Variants in ESRRG observed in about 807,000 individuals in gnomAD.
ESRRG encodes estrogen-related receptor gamma.
Under a neutral mutation model 44.0 loss-of-function variants are expected in ESRRG, and 13 were observed. The ratio of observed to expected loss-of-function variants is 0.30; its 90% CI spans 0.19 to 0.47. The LOEUF (loss-of-function observed/expected upper bound fraction) is 0.47. ESRRG is among the 20% of genes least tolerant of loss of function. ESRRG has a pLI of 1.00. For synonymous variants in ESRRG, 215 were observed against 214.6 expected (o/e 1.00, Z -0.02); for missense variants, 395 against 580.6 (o/e 0.68, Z 3.29).
intron 2 of ESRRG, among the ~76,000 whole-genome samples, chr1:216,887,385 A>G (rs2057167888): frequency 6.6e-6 from 1 of 152,210 alleles, no homozygotes; most frequent in South Asian, 2.1e-4. Context: ...TATCAGAACT[A>G]TTAGAACACA....
intron 1 of ESRRG, among the ~76,000 whole-genome samples, chr1:217,097,612 T>C (rs1035275635): frequency 2.0e-5 from 3 of 152,192 alleles, no homozygotes; most frequent in Non-Finnish European, 4.4e-5. Context: ...GTATTTCACT[T>C]TCAAAATGGA....
At chr1:217,032,038 TG>T (rs1486469258) in intron 1 of ESRRG, among the ~76,000 whole-genome samples, 39 of 152,302 alleles carry the variant, frequency 2.6e-4, no homozygotes, top group African/African-American at 9.1e-4. Flanking sequence ...ATTTTCCCCT[TG>T]CTAAGGTGCT....
At chr1:216,890,256 C>A (rs1039900694) in intron 2 of ESRRG, among the ~76,000 whole-genome samples, 2 of 151,948 alleles carry the variant, frequency 1.3e-5, no homozygotes, top group Non-Finnish European at 2.9e-5. Flanking sequence ...CAGAGTGAGA[C>A]CCTGTCTCAA....
At chr1:217,127,166 G>T (rs953558975) in intron 1 of ESRRG, among the ~76,000 whole-genome samples, 5 of 152,108 alleles carry the variant, frequency 3.3e-5, no homozygotes, top group Admixed American at 6.6e-5. Context: ...CTGCTTGTTC[G>T]AAGTCTCATT....
chr1:216,552,341 GC>G (rs2056576398), intron 5 of ESRRG, among the ~76,000 whole-genome samples: 1 of 152,110 alleles, frequency 6.6e-6, no homozygotes, highest in Non-Finnish European at 1.5e-5. Context: ...TATCAATAAT[GC>G]ACAACTGAGC....
rs528283379 is a variant in ESRRG, at chr1:216,960,578, A to T, written c.-105-20905T>A. On this transcript the variant is annotated intron_variant, in intron 1 of 7. Transcript: ENST00000359162. ...AATACTACGCTTTTATGACTCCTCC[A>T]TGTGTTTGTTTGTTTGTTTGTTTGT... is the stretch of plus-strand genomic sequence containing the variant. Among the ~76,000 whole-genome samples, 8 of 97,008 alleles carry T rather than the reference A, an allele frequency of 8.2e-5. No individual in the cohort carries two copies. In the East Asian group the frequency reaches 1.9e-3, roughly 23 times the overall value. The allele number at this position is 97,008 out of a possible 152,430, so 63.6% of individuals were successfully genotyped here.
intron 5 of ESRRG, among the ~76,000 whole-genome samples, chr1:216,560,655 T>C (rs1226048221): frequency 6.6e-6 from 1 of 152,164 alleles, no homozygotes; most frequent in Non-Finnish European, 1.5e-5. Flanking sequence ...CTGTGAAACC[T>C]AGCTCTAATA....
intron 1 of ESRRG, among the ~76,000 whole-genome samples, chr1:216,697,516 G>GT (rs975748032): frequency 6.4e-4 from 98 of 152,312 alleles, no homozygotes; most frequent in African/African-American, 2.3e-3. Context: ...TATGCTAGGT[G>GT]TTTATAGCAG....
chr1:216,991,683 GGA>G (rs2075741564), intron 1 of ESRRG, among the ~76,000 whole-genome samples: 1 of 139,490 alleles, frequency 7.2e-6, no homozygotes, highest in Non-Finnish European at 1.5e-5. Context: ...GGATGGGATG[GGA>G]TGGGATAGAA....
At chr1:217,110,119 G>A (rs879837673) in intron 1 of ESRRG, among the ~76,000 whole-genome samples, 1 of 152,110 alleles carries the variant, frequency 6.6e-6, no homozygotes, top group African/African-American at 2.4e-5. Flanking sequence ...CAGGCTGCCA[G>A]CCCCACCCAG....
At chr1:216,741,465 T>TACACAC (rs932154245) in intron 2 of ESRRG, among the ~76,000 whole-genome samples, 1 of 113,660 alleles carries the variant, frequency 8.8e-6, no homozygotes, top group African/African-American at 3.4e-5. Flanking sequence ...CCCCTACACA[T>TACACAC]ACACACACAC....
At chr1:217,126,880 C>T (rs986083783) in intron 1 of ESRRG, among the ~76,000 whole-genome samples, 3 of 152,176 alleles carry the variant, frequency 2.0e-5, no homozygotes, top group Admixed American at 2.0e-4. Context: ...TGCATGAATA[C>T]TTTGAAAGCA....
At chr1:217,050,345 G>T (rs1024803414) in intron 1 of ESRRG, among the ~76,000 whole-genome samples, 4 of 152,160 alleles carry the variant, frequency 2.6e-5, no homozygotes, top group East Asian at 1.9e-4. Context: ...CCCTTCTCCA[G>T]AAAAACTACA....
chr1:216,564,421 A>G (rs990305740), intron 4 of ESRRG, 41 bp from the exon 5 acceptor site: 14 of 1,497,408 alleles, frequency 9.3e-6, no homozygotes, highest in Non-Finnish European at 1.3e-5. Flanking sequence ...CACTAGTAGT[A>G]TCATCCCTCT....
intron 2 of ESRRG, among the ~76,000 whole-genome samples, chr1:216,735,990 ATAT>A (rs2089824539): frequency 1.1e-5 from 1 of 93,262 alleles, no homozygotes; most frequent in African/African-American, 3.3e-5. Flanking sequence ...AAAAAAAAAT[ATAT>A]ATATATATAT....
At position 216,506,364 on chromosome 1, in the gene ESRRG, G is replaced by T; in HGVS notation, c.*575C>A. On this transcript the variant is annotated 3_prime_UTR_variant, in exon 7 of 7. Transcript: ENST00000408911. Reference sequence around the variant, plus strand: ...GGATCTCCATCCTTTGGCAGGGCTGGCTTCCATCTCTCTTCAGTTAGAGAC... The same window carrying T: ...GGATCTCCATCCTTTGGCAGGGCTGTCTTCCATCTCTCTTCAGTTAGAGAC... 3.4e-6 allele frequency: 1 copy of T among 290,100 alleles called. No homozygotes were observed. The highest frequency in any genetic ancestry group is 6.8e-6 in the Non-Finnish European group (1 of 147,562). 18.0% of individuals were successfully genotyped at this position (290,100 alleles called of 1,614,324 possible). A position where few individuals can be genotyped will look rare whatever the true frequency, so the allele number is the denominator to read the frequency against.
intron 1 of ESRRG, among the ~76,000 whole-genome samples, chr1:216,698,216 T>G (rs1420800171): frequency 2.0e-5 from 3 of 152,106 alleles, no homozygotes; most frequent in Non-Finnish European, 4.4e-5. Flanking sequence ...ACTAGTTAGA[T>G]GTATAAGATT....
At chr1:217,002,171 A>G (rs1241123244) in intron 1 of ESRRG, among the ~76,000 whole-genome samples, 1 of 151,890 alleles carries the variant, frequency 6.6e-6, no homozygotes, top group Non-Finnish European at 1.5e-5. Flanking sequence ...GCATGGTGGT[A>G]CATATCTGTA....
At chr1:216,800,324 A>G (rs2094578111) in intron 2 of ESRRG, among the ~76,000 whole-genome samples, 1 of 152,184 alleles carries the variant, frequency 6.6e-6, no homozygotes, top group Non-Finnish European at 1.5e-5. Context: ...TTGCCTTTTC[A>G]TGGTGTGCCA....
Sources: allele counts gnomAD v4.1 joint callset (sites outside exome capture counted in the v4.1 genomes callset), GRCh38; gene constraint gnomAD v4.1.1; transcripts MANE v1.5; gene names NCBI Gene and HGNC (gene_info 2026-07-23, HGNC 2026-07-21).